The following TEAD1 variants were observed in gnomAD, a reference collection of about 807,000 sequenced individuals.
TEAD1 encodes the protein transcriptional enhancer factor TEF-1.
Under a neutral mutation model 54.9 loss-of-function variants are expected in TEAD1, and 9 were observed. That is an observed-to-expected ratio of 0.16 (90% CI 0.10 to 0.29). The LOEUF (loss-of-function observed/expected upper bound fraction) is 0.29. TEAD1 is among the 10% of genes least tolerant of loss of function. The probability of loss-of-function intolerance (pLI) is 1.00; values close to 1 mark genes in which losing one functional copy is unlikely to be tolerated. For synonymous variants in TEAD1, 200 were observed against 187.8 expected (o/e 1.07, Z -0.53); for missense variants, 387 against 535.9 (o/e 0.72, Z 2.74).
chr11:12,886,040 G>T (rs371230734), intron 9 of TEAD1, among the ~76,000 whole-genome samples: 2 of 152,234 alleles, frequency 1.3e-5, no homozygotes, highest in South Asian at 2.1e-4. Flanking sequence ...ACTGAACGCT[G>T]TGAGTAACAG....
In TEAD1 at chr11:12,909,529, TG is replaced by T. The variant is rs780125605; in HGVS notation, c.873+7422del. Among the ~76,000 whole-genome samples the T allele has an allele frequency of 4.6e-5, 4 of 87,898 alleles. No homozygotes were observed. In the Admixed American group the frequency reaches 5.7e-4, roughly 13 times the overall value. 57.7% of individuals were successfully genotyped at this position (87,898 alleles called of 152,430 possible). A position where few individuals can be genotyped will look rare whatever the true frequency, so the allele number is the denominator to read the frequency against. ...TCACATACCAGGGCCTGTTGCGGGGTGGGGGGCGAGGGGAGGGAACTTAGAG... is the reference window on the plus strand; with the variant it reads ...TCACATACCAGGGCCTGTTGCGGGGTGGGGGCGAGGGGAGGGAACTTAGAG... On this transcript the variant is annotated intron_variant, in intron 10 of 12. Coordinates refer to ENST00000527636, the MANE Select transcript of TEAD1 (RefSeq NM_021961.6).
intron 3 of TEAD1, among the ~76,000 whole-genome samples, chr11:12,772,819 G>A (rs1945339195): frequency 2.0e-5 from 3 of 152,046 alleles, no homozygotes; most frequent in Non-Finnish European, 1.5e-5. Flanking sequence ...ACTTGAACTC[G>A]TTTGTGTGTG....
At position 12,879,810 on chromosome 11, in the gene TEAD1, A is replaced by G; in HGVS notation, c.433A>G (p.Ile145Val). 6.2e-7 allele frequency: 1 copy of G among 1,613,960 alleles called. No individual in the cohort carries two copies. The highest frequency in any genetic ancestry group is 8.5e-7 in the Non-Finnish European group (1 of 1,180,030). Reference sequence around the variant, plus strand: ...TCATAACAAGCTGGGGCTGCCTGGGATTCCACGCCCGACCTTCCCAGGGGC... The same window carrying G: ...TCATAACAAGCTGGGGCTGCCTGGGGTTCCACGCCCGACCTTCCCAGGGGC... The change falls in exon 6 of 13, where the codon ATT (isoleucine) becomes GTT (valine). Residue 145 changes from isoleucine to valine, a missense_variant. This residue lies in a region of TEAD1 where 180 missense variants were observed against 180.6 expected (regional missense o/e 1.00). Transcript: ENST00000527636.
intron 2 of TEAD1, among the ~76,000 whole-genome samples, chr11:12,704,884 G>A (rs977746522): frequency 6.6e-6 from 1 of 152,168 alleles, no homozygotes; most frequent in Non-Finnish European, 1.5e-5. Flanking sequence ...AGCTGGAAGG[G>A]TATTGCTACA....
At chr11:12,815,924 A>G (rs1402317512) in intron 3 of TEAD1, among the ~76,000 whole-genome samples, 1 of 152,248 alleles carries the variant, frequency 6.6e-6, no homozygotes, top group Non-Finnish European at 1.5e-5. Flanking sequence ...AAGATCATGT[A>G]TATGACGTAG....
intron 3 of TEAD1, among the ~76,000 whole-genome samples, chr11:12,839,071 C>T (rs6486062): frequency 0.7 from 105,981 of 151,748 alleles, 37,211 homozygotes; most frequent in East Asian, 0.77. Flanking sequence ...CCCAAATATT[C>T]TTTTTTCTCA....
chr11:12,715,908 C>G (rs1944050538), intron 2 of TEAD1, among the ~76,000 whole-genome samples: 1 of 152,048 alleles, frequency 6.6e-6, no homozygotes, highest in African/African-American at 2.4e-5. Context: ...CCCAGATTAA[C>G]AGGTGGCGAT....
chr11:12,878,591 C>T (rs1342572675), intron 5 of TEAD1, among the ~76,000 whole-genome samples: 2 of 151,812 alleles, frequency 1.3e-5, no homozygotes, highest in Admixed American at 1.3e-4. Flanking sequence ...CTCTGTCTGT[C>T]CTGGGGAAGC....
intron 3 of TEAD1, among the ~76,000 whole-genome samples, chr11:12,856,184 A>C (rs1477712423): frequency 1.3e-5 from 2 of 149,482 alleles, no homozygotes; most frequent in Non-Finnish European, 3.0e-5. Flanking sequence ...TTGGGACTAC[A>C]GGGATGTAGG....
At chr11:12,894,646 T>A (rs1948272032) in intron 9 of TEAD1, among the ~76,000 whole-genome samples, 1 of 152,300 alleles carries the variant, frequency 6.6e-6, no homozygotes, top group Admixed American at 6.5e-5. Flanking sequence ...TTCCCCACAC[T>A]GCCACTACCC....
intron 3 of TEAD1, among the ~76,000 whole-genome samples, chr11:12,845,764 G>A (rs898939875): frequency 6.6e-5 from 10 of 152,212 alleles, no homozygotes; most frequent in Admixed American, 4.6e-4. Context: ...TATCCAAGAG[G>A]GAGCTTGTGG....
chr11:12,693,667 T>G (rs1199787999), intron 2 of TEAD1, among the ~76,000 whole-genome samples: 1 of 152,244 alleles, frequency 6.6e-6, no homozygotes, highest in Non-Finnish European at 1.5e-5. Flanking sequence ...GTTTTCATTG[T>G]TTCGGTAACC....
At chr11:12,737,133 G>A (rs773728415) in intron 2 of TEAD1, among the ~76,000 whole-genome samples, 1 of 152,106 alleles carries the variant, frequency 6.6e-6, no homozygotes, top group Non-Finnish European at 1.5e-5. Context: ...CAACTCTCTT[G>A]TTTTCAGATG....
intron 9 of TEAD1, among the ~76,000 whole-genome samples, chr11:12,887,477 T>G (rs1386214754): frequency 3.3e-5 from 5 of 152,200 alleles, no homozygotes; most frequent in African/African-American, 7.2e-5. Flanking sequence ...AGGGAAAAAG[T>G]GGTGGCTGAC....
intron 2 of TEAD1, among the ~76,000 whole-genome samples, chr11:12,738,881 C>T (rs943902579): frequency 1.3e-5 from 2 of 152,142 alleles, no homozygotes; most frequent in African/African-American, 4.8e-5. Flanking sequence ...GACAAGGTTG[C>T]TGCCTTCATG....
intron 3 of TEAD1, among the ~76,000 whole-genome samples, chr11:12,851,368 T>C (rs1163561305): frequency 6.6e-6 from 1 of 151,346 alleles, no homozygotes. Context: ...ATTTTAACTA[T>C]TGTCGTCACA....
At chr11:12,714,230 A>G (rs1278693706) in intron 2 of TEAD1, among the ~76,000 whole-genome samples, 2 of 152,130 alleles carry the variant, frequency 1.3e-5, no homozygotes, top group East Asian at 3.9e-4. Context: ...GCTAAGGGGC[A>G]GAAGCCTCCC....
intron 10 of TEAD1, among the ~76,000 whole-genome samples, chr11:12,906,455 G>A: frequency 6.6e-6 from 1 of 151,406 alleles, no homozygotes; most frequent in East Asian, 1.9e-4. Context: ...GCAGGAGAAT[G>A]GCGTGAACCT....
At chr11:12,799,002 A>G (rs964158623) in intron 3 of TEAD1, among the ~76,000 whole-genome samples, 1 of 152,254 alleles carries the variant, frequency 6.6e-6, no homozygotes, top group African/African-American at 2.4e-5. Flanking sequence ...GAATAAAAAG[A>G]TTAGAACACT....
Sources: gnomAD v4.1 joint callset for allele counts (sites outside exome capture counted in the v4.1 genomes callset) on GRCh38, gnomAD v4.1.1 for gene constraint, gnomAD v4.1.1 regional missense constraint, MANE v1.5 for transcripts, NCBI Gene and HGNC (gene_info 2026-07-23, HGNC 2026-07-21) for gene names.